The following SAMMSON variants were observed in gnomAD, a reference collection of about 807,000 sequenced individuals.
SAMMSON encodes the protein long intergenic non-protein coding RNA 1212.
intron 9 of SAMMSON, among the ~76,000 whole-genome samples, chr3:70,375,030 T>A (rs1273668618): frequency 2.6e-5 from 4 of 152,160 alleles, no homozygotes; most frequent in Non-Finnish European, 4.4e-5. Context: ...GGCCCGTATG[T>A]TATATATCTA....
chr3:70,201,814 C>G (rs1285606700), intron 4 of SAMMSON, among the ~76,000 whole-genome samples: 5 of 152,150 alleles, frequency 3.3e-5, no homozygotes, highest in African/African-American at 1.2e-4. Context: ...GCTGGATTCC[C>G]AAGACTGGCA....
chr3:70,076,428 T>C (rs1456321107), intron 4 of SAMMSON, among the ~76,000 whole-genome samples: 1 of 152,192 alleles, frequency 6.6e-6, no homozygotes, highest in Non-Finnish European at 1.5e-5. Context: ...CTAGCTTGTT[T>C]GCTAATTTTC....
chr3:70,158,009 T>G (rs1488083643), intron 4 of SAMMSON, among the ~76,000 whole-genome samples: 1 of 152,106 alleles, frequency 6.6e-6, no homozygotes, highest in African/African-American at 2.4e-5. Flanking sequence ...GTTTAAATGT[T>G]AGGTTGAGCT....
intron 4 of SAMMSON, among the ~76,000 whole-genome samples, chr3:70,137,985 G>A (rs2067512880): frequency 6.6e-6 from 1 of 152,044 alleles, no homozygotes. Flanking sequence ...AGTTGCTATT[G>A]TCATTATAAG....
intron 4 of SAMMSON, among the ~76,000 whole-genome samples, chr3:70,200,010 T>G (rs1701222911): frequency 6.6e-6 from 1 of 152,214 alleles, no homozygotes; most frequent in South Asian, 2.1e-4. Context: ...AACACCCAGA[T>G]GAATTCGGCA....
chr3:70,039,846 A>T (rs532978201), intron 3 of SAMMSON, among the ~76,000 whole-genome samples: 1 of 152,162 alleles, frequency 6.6e-6, no homozygotes, highest in East Asian at 1.9e-4. Flanking sequence ...TTCAGGGAGG[A>T]TACATTTGGA....
chr3:70,154,288 A>G lies in SAMMSON; in HGVS notation n.507+82723A>G, dbSNP rs548888658. 1.3e-4 allele frequency among the ~76,000 whole-genome samples: 20 copies of G among 152,124 alleles called. 1 individual carries two copies. In the South Asian group the frequency reaches 3.9e-3, roughly 30 times the overall value. ...TACTTTGCATGTGTTAGTTTACTTA[A>G]TTCTCAGAATATTCTTACAAAAGTG... On this transcript the variant is annotated intron_variant and non_coding_transcript_variant, in intron 4 of 9. Transcript: ENST00000642114.
At chr3:70,137,012 C>T (rs1010683773) in intron 4 of SAMMSON, among the ~76,000 whole-genome samples, 6 of 152,046 alleles carry the variant, frequency 3.9e-5, no homozygotes, top group African/African-American at 1.4e-4. Context: ...ATGAGTCATA[C>T]ATAATTGCTG....
chr3:70,044,217 C>T (rs7634564), intron 3 of SAMMSON, among the ~76,000 whole-genome samples: 83,932 of 151,788 alleles, frequency 0.55, 25,058 homozygotes, highest in African/African-American at 0.77. Flanking sequence ...TGTTCTGCTG[C>T]CTGTGACTCA....
At chr3:70,339,186 A>C (rs1575628870) in intron 7 of SAMMSON, among the ~76,000 whole-genome samples, 1 of 152,286 alleles carries the variant, frequency 6.6e-6, no homozygotes, top group East Asian at 1.9e-4. Flanking sequence ...TGCTGGGAAA[A>C]CTGGCTAGCC....
intron 4 of SAMMSON, among the ~76,000 whole-genome samples, chr3:70,228,714 ATTC>A (rs1701531657): frequency 6.7e-6 from 1 of 149,308 alleles, no homozygotes; most frequent in Admixed American, 6.7e-5. Flanking sequence ...GGAAATGTAT[ATTC>A]TTCTCATTAA....
At chr3:70,105,678 C>G (rs2067364401) in intron 4 of SAMMSON, among the ~76,000 whole-genome samples, 1 of 152,142 alleles carries the variant, frequency 6.6e-6, no homozygotes, top group Non-Finnish European at 1.5e-5. Flanking sequence ...CTTGCAAGTG[C>G]ACAAAATGAA....
intron 7 of SAMMSON, among the ~76,000 whole-genome samples, chr3:70,295,912 TA>T (rs1202843233): frequency 2.6e-5 from 4 of 152,196 alleles, no homozygotes; most frequent in African/African-American, 9.6e-5. Context: ...ACTTGCTCAT[TA>T]TATTCCTTCA....
intron 9 of SAMMSON, among the ~76,000 whole-genome samples, chr3:70,388,768 C>A (rs1701014017): frequency 1.3e-5 from 2 of 152,228 alleles, no homozygotes; most frequent in South Asian, 4.1e-4. Context: ...GAGGAAATAG[C>A]AGAGATATCA....
At chr3:70,431,327 A>C (rs938639594) in intron 2 of SAMMSON, among the ~76,000 whole-genome samples, 4 of 152,038 alleles carry the variant, frequency 2.6e-5, no homozygotes, top group African/African-American at 9.7e-5. Context: ...TTTTGGGTGA[A>C]AAAGAAATCT....
At chr3:70,378,347 G>C (rs2106750214) in intron 9 of SAMMSON, among the ~76,000 whole-genome samples, 1 of 151,998 alleles carries the variant, frequency 6.6e-6, no homozygotes, top group East Asian at 1.9e-4. Context: ...AGTGGGAAAA[G>C]CTAGCTGTAG....
At chr3:70,373,772 A>G (rs974538486) in intron 9 of SAMMSON, among the ~76,000 whole-genome samples, 2 of 152,030 alleles carry the variant, frequency 1.3e-5, no homozygotes. Context: ...AATTTTAGTT[A>G]TTCTGTTTTT....
intron 2 of SAMMSON, among the ~76,000 whole-genome samples, chr3:70,427,622 C>T (rs1442882197): frequency 6.6e-6 from 1 of 151,994 alleles, no homozygotes; most frequent in East Asian, 1.9e-4. Context: ...CCTGTAGTCC[C>T]AGCTACTTGG....
intron 3 of SAMMSON, among the ~76,000 whole-genome samples, chr3:70,061,191 A>G (rs867747170): frequency 6.6e-6 from 1 of 152,028 alleles, no homozygotes; most frequent in Non-Finnish European, 1.5e-5. Flanking sequence ...TTGGGGGAGA[A>G]AAATGAATTT....
Sources: allele counts gnomAD v4.1 joint callset (sites outside exome capture counted in the v4.1 genomes callset), GRCh38; gene constraint gnomAD v4.1.1; transcripts MANE v1.5; gene names NCBI Gene and HGNC (gene_info 2026-07-23, HGNC 2026-07-21).